The following ODR4 variants were observed in gnomAD, a reference collection of about 807,000 sequenced individuals.
ODR4 encodes protein odr-4 homolog.
ODR4 carries 47 observed loss-of-function variants against 60.2 expected under a neutral mutation model. That is an observed-to-expected ratio of 0.78 (90% confidence interval 0.62 to 1.00). The LOEUF (loss-of-function observed/expected upper bound fraction) is 1.00, where lower values mean the gene tolerates loss of function less well. Ranked by LOEUF, ODR4 falls within the 50% of genes least tolerant of loss-of-function variation. ODR4 has a pLI of 0.00. For synonymous variants in ODR4, 178 were observed against 175.5 expected (o/e 1.01, Z -0.11); for missense variants, 488 against 530.8 (o/e 0.92, Z 0.79).
intron 2 of ODR4, 68 bp from the exon 3 acceptor site, chr1:186,382,954 A>G: frequency 6.8e-7 from 1 of 1,460,500 alleles, no homozygotes; most frequent in Non-Finnish European, 9.2e-7. Flanking sequence ...TAAGGAATTT[A>G]GGTATCACTC....
chr1:186,390,849 A>G lies in ODR4; in HGVS notation c.613A>G (p.Lys205Glu), dbSNP rs1215652491. The G allele has an allele frequency of 6.2e-7, 1 of 1,610,506 alleles. No individual in the cohort carries two copies. The highest frequency in any genetic ancestry group is 8.5e-7 in the Non-Finnish European group (1 of 1,177,870). Reference protein sequence around the residue: ...SVSYTLEKNTKNGLTRWAKEI... With the variant: ...SVSYTLEKNTENGLTRWAKEI... ...CAGCTATACTCTGGAGAAAAATACAAAGGTACCAGGGTAAAATGAATTTTC... is the reference window on the plus strand; with the variant it reads ...CAGCTATACTCTGGAGAAAAATACAGAGGTACCAGGGTAAAATGAATTTTC... The change falls in exon 7 of 14, where the codon AAG (lysine) becomes GAG (glutamate). Residue 205 changes from lysine to glutamate, a missense_variant and splice_region_variant. By Grantham distance (56) the Lys-to-Glu change is moderately conservative (BLOSUM62 1). Transcript: ENST00000287859.
At chr1:186,389,316 C>G (rs1388303096) in intron 5 of ODR4, among the ~76,000 whole-genome samples, 1 of 151,998 alleles carries the variant, frequency 6.6e-6, no homozygotes, top group East Asian at 1.9e-4. Context: ...TGCTTTGATT[C>G]TATTTATTGC....
Position 186,405,288 on chromosome 1 carries a change from C to G in ODR4, c.1001-795C>G, listed in dbSNP as rs144654492. On this transcript the variant is annotated intron_variant, in intron 11 of 13. Transcript: ENST00000287859. Reference sequence around the variant, plus strand: ...GGGCTACATCTAGTAAGATGAAATTCATGGGGAGATTAATACAAAAATGTA... The same window carrying G: ...GGGCTACATCTAGTAAGATGAAATTGATGGGGAGATTAATACAAAAATGTA... 1.1e-3 allele frequency among the ~76,000 whole-genome samples: 175 copies of G among 152,176 alleles called. 5 individuals carry two copies. Among genetic ancestry groups the G allele is most frequent in the South Asian group, 8.3e-4 (4 of 4,826 alleles).
chr1:186,408,601 T>C, intron 12 of ODR4, among the ~76,000 whole-genome samples: 1 of 149,590 alleles, frequency 6.7e-6, no homozygotes, highest in Middle Eastern at 3.6e-3. Flanking sequence ...AAAATGTTTA[T>C]ATATGTGAAC....
rs1660040775 is a variant in ODR4, at chr1:186,381,722, A to G, written c.100-1300A>G. Among the ~76,000 whole-genome samples, 3 of 152,112 alleles carry G rather than the reference A, an allele frequency of 2.0e-5. 1 individual carries two copies. Among genetic ancestry groups the G allele is most frequent in the Admixed American group, 1.3e-4 (2 of 15,280 alleles). Reference sequence around the variant, plus strand: ...CAGTATTCTACGTGCTTTTTCTTCCAGAGTTCATTACTTTTTCCTCTCCTT... The same window carrying G: ...CAGTATTCTACGTGCTTTTTCTTCCGGAGTTCATTACTTTTTCCTCTCCTT... On this transcript the variant is annotated intron_variant, in intron 2 of 13. Transcript: ENST00000287859.
At chr1:186,421,805 A>C (rs916919789), downstream of ODR4, among the ~76,000 whole-genome samples, 1 of 149,004 alleles carries the variant, frequency 6.7e-6, no homozygotes, top group Non-Finnish European at 1.5e-5. Flanking sequence ...CGAAGGTTGC[A>C]GTGAGGAGAT....
chr1:186,390,964 A>G (rs561421993), intron 7 of ODR4, 113 bp downstream of exon 7: 67 of 1,127,930 alleles, frequency 5.9e-5, no homozygotes, highest in East Asian at 2.9e-4. Flanking sequence ...TCTGCTTACA[A>G]TGTTGTTATG....
intron 4 of ODR4, among the ~76,000 whole-genome samples, chr1:186,386,937 A>T (rs940289205): frequency 6.6e-6 from 1 of 152,144 alleles, no homozygotes; most frequent in African/African-American, 2.4e-5. Context: ...GAAGGTCCAC[A>T]TGCTGTTTTC....
At chr1:186,414,376 A>T (rs1278072167) in intron 12 of ODR4, among the ~76,000 whole-genome samples, 4 of 152,122 alleles carry the variant, frequency 2.6e-5, no homozygotes, top group Non-Finnish European at 5.9e-5. Context: ...TATTATGACA[A>T]CTAAAACAAT....
At chr1:186,387,855 A>G (rs1660312678) in intron 4 of ODR4, among the ~76,000 whole-genome samples, 1 of 152,196 alleles carries the variant, frequency 6.6e-6, no homozygotes, top group African/African-American at 2.4e-5. Flanking sequence ...TATTTCTGAC[A>G]CAAATTTATC....
intron 12 of ODR4, among the ~76,000 whole-genome samples, chr1:186,409,693 G>A (rs1009365874): frequency 6.6e-6 from 1 of 151,918 alleles, no homozygotes; most frequent in African/African-American, 2.4e-5. Flanking sequence ...TTACAGGTGC[G>A]TGCCACCAAG....
At chr1:186,429,053 A>G in the ODR4 span, among the ~76,000 whole-genome samples, 1 of 152,128 alleles carries the variant, frequency 6.6e-6, no homozygotes, top group Non-Finnish European at 1.5e-5. Context: ...AGGCAACGTG[A>G]TGAAATCTTG....
chr1:186,413,459 T>C (rs529670229), intron 12 of ODR4, among the ~76,000 whole-genome samples: 1 of 152,266 alleles, frequency 6.6e-6, no homozygotes, highest in African/African-American at 2.4e-5. Context: ...TGAAGAACAA[T>C]TTGTTTGTCA....
At chr1:186,399,302 C>T (rs1660825290) in intron 11 of ODR4, 1 of 457,686 alleles carries the variant, frequency 2.2e-6, no homozygotes, top group South Asian at 1.9e-5. Flanking sequence ...GCCTCTTGGG[C>T]TCAAGCAGTC....
chr1:186,399,978 C>CT (rs1399196883), intron 11 of ODR4, among the ~76,000 whole-genome samples: 5,696 of 128,420 alleles, frequency 0.044, 379 homozygotes, highest in African/African-American at 0.15. Context: ...TCTCCCCATT[C>CT]TTTTTTTTTT....
chr1:186,420,105 G>A lies in ODR4; in HGVS notation c.*1029G>A, dbSNP rs927440177. 1.3e-5 allele frequency: 2 copies of A among 152,146 alleles called. No individual in the cohort carries two copies. Among genetic ancestry groups the A allele is most frequent in the African/African-American group, 4.8e-5 (2 of 41,422 alleles). The allele number at this position is 152,146 out of a possible 1,614,324, so 9.4% of individuals were successfully genotyped here. On this transcript the variant is annotated 3_prime_UTR_variant, in exon 14 of 14. Transcript: ENST00000287859. ...TTTAATAGGTTCACTGGAAGTAGGA[G>A]AATTTTCAAGAACCATACTTCGACA...
intron 12 of ODR4, 59 bp from the exon 13 acceptor site, chr1:186,417,485 T>C (rs1661616563): frequency 1.1e-6 from 1 of 913,624 alleles, no homozygotes; most frequent in South Asian, 1.6e-5. Flanking sequence ...TCTTTAAAGC[T>C]CAGTTTCATG....
the ODR4 span, among the ~76,000 whole-genome samples, chr1:186,433,232 A>C: frequency 6.6e-6 from 1 of 151,944 alleles, no homozygotes; most frequent in Admixed American, 6.6e-5. Flanking sequence ...AACTCAGGCC[A>C]TTTGTTTTAA....
intron 11 of ODR4, among the ~76,000 whole-genome samples, chr1:186,400,138 C>A (rs1439285572): frequency 6.6e-6 from 1 of 150,628 alleles, no homozygotes; most frequent in African/African-American, 2.4e-5. Context: ...ACTACAGGCA[C>A]GCGCCACCAT....
Sources: gnomAD v4.1 joint callset for allele counts (sites outside exome capture counted in the v4.1 genomes callset) on GRCh38, gnomAD v4.1.1 for gene constraint, MANE v1.5 for transcripts, NCBI Gene and HGNC (gene_info 2026-07-23, HGNC 2026-07-21) for gene names.